The following MMP26 variants were observed in gnomAD, a reference collection of about 807,000 sequenced individuals.
MMP26 encodes the protein matrix metallopeptidase 26.
Under a neutral mutation model 31.0 loss-of-function variants are expected in MMP26, and 33 were observed. The ratio of observed to expected loss-of-function variants is 1.06; its 90% CI spans 0.81 to 1.42. MMP26 has a LOEUF of 1.42. Among genes scored for constraint, MMP26 ranks in the 40% most tolerant of loss-of-function variants. The pLI, the probability that MMP26 is intolerant of heterozygous loss-of-function variation, is 0.00. For missense variants in MMP26, 347 were observed against 316.1 expected (o/e 1.10, Z -0.74); for synonymous variants, 122 against 114.9 (o/e 1.06, Z -0.40).
At chr11:4,770,160 C>T (rs977694965) in intron 2 of MMP26, among the ~76,000 whole-genome samples, 1 of 152,044 alleles carries the variant, frequency 6.6e-6, no homozygotes, top group Non-Finnish European at 1.5e-5. Flanking sequence ...GGAAATATGT[C>T]CATATGATTT....
At chr11:4,798,053 C>T (rs964992721) in intron 2 of MMP26, among the ~76,000 whole-genome samples, 8 of 152,166 alleles carry the variant, frequency 5.3e-5, no homozygotes, top group Non-Finnish European at 7.3e-5. Flanking sequence ...TGCATATTGA[C>T]CTGTGGGAAA....
intron 1 of MMP26, among the ~76,000 whole-genome samples, chr11:4,764,453 A>C (rs1848603441): frequency 6.6e-6 from 1 of 152,204 alleles, no homozygotes; most frequent in African/African-American, 2.4e-5. Context: ...GCCTGTGCAC[A>C]TGACTTGATT....
chr11:4,817,565 C>A (rs529343740), intron 2 of MMP26, among the ~76,000 whole-genome samples: 2 of 152,078 alleles, frequency 1.3e-5, no homozygotes, highest in South Asian at 4.2e-4. Context: ...CCATTCTGGG[C>A]AACAGAGTGA....
Position 4,756,458 on chromosome 11 carries a change from G to A in MMP26, c.-216-10812G>A, listed in dbSNP as rs148596319. ...GGTAAAATCAGGAAGATAAGAACAAGCATAAAATATTTGACTTAAATAAGT... is the reference window on the plus strand; with the variant it reads ...GGTAAAATCAGGAAGATAAGAACAAACATAAAATATTTGACTTAAATAAGT... On this transcript the variant is annotated intron_variant, in intron 1 of 7. Transcript: ENST00000380390. Among the ~76,000 whole-genome samples the A allele has an allele frequency of 1.2e-3, 184 of 151,242 alleles. 1 individual carries two copies. Among genetic ancestry groups the A allele is most frequent in the African/African-American group, 4.2e-3 (174 of 41,344 alleles).
chr11:4,755,795 C>T (rs916165230), intron 1 of MMP26, among the ~76,000 whole-genome samples: 12 of 151,776 alleles, frequency 7.9e-5, no homozygotes, highest in Non-Finnish European at 1.5e-4. Flanking sequence ...AAGCCCCATA[C>T]ATAGCTTTTA....
chr11:4,834,812 G>T lies in MMP26; in HGVS notation c.-145+67471G>T, dbSNP rs748746191. 5.3e-5 allele frequency among the ~76,000 whole-genome samples: 8 copies of T among 152,230 alleles called. No individual in the cohort carries two copies. In the South Asian group the frequency reaches 1.7e-3, roughly 32 times the overall value. Reference sequence around the variant, plus strand: ...TCCATACATTCCAGGGATTAAATAAGTTAATGTGTTTAAAAGCTTTAAGAT... The same window carrying T: ...TCCATACATTCCAGGGATTAAATAATTTAATGTGTTTAAAAGCTTTAAGAT... On this transcript the variant is annotated intron_variant, in intron 2 of 7. Transcript: ENST00000380390.
chr11:4,739,919 C>T (rs935749801), intron 1 of MMP26, among the ~76,000 whole-genome samples: 1 of 152,110 alleles, frequency 6.6e-6, no homozygotes, highest in Non-Finnish European at 1.5e-5. Context: ...AATGTAATTG[C>T]AGTTAAAAAT....
At chr11:4,916,189 C>T (rs928205663) in intron 2 of MMP26, among the ~76,000 whole-genome samples, 8 of 151,538 alleles carry the variant, frequency 5.3e-5, no homozygotes, top group African/African-American at 1.7e-4. Context: ...AGGGAGAATT[C>T]AGCCTCCCTC....
intron 2 of MMP26, among the ~76,000 whole-genome samples, chr11:4,928,031 A>G (rs1025590090): frequency 3.4e-5 from 5 of 149,116 alleles, no homozygotes; most frequent in Non-Finnish European, 6.0e-5. Flanking sequence ...GAAGACCAGT[A>G]TTGTGGCGTG....
chr11:4,735,747 A>C (rs575882304), intron 1 of MMP26, among the ~76,000 whole-genome samples: 13 of 152,178 alleles, frequency 8.5e-5, no homozygotes, highest in East Asian at 5.8e-4. Flanking sequence ...ATTATATTTC[A>C]GAATAATAGA....
chr11:4,882,569 C>A lies in MMP26; in HGVS notation c.-144-105499C>A, dbSNP rs773941848. On this transcript the variant is annotated intron_variant, in intron 2 of 7. Transcript: ENST00000380390. Reference sequence around the variant, plus strand: ...TATTCTTTTCTCCTATGTCCTGATCCTCCGTACTGTTCTGGGCATTGTGGC... The same window carrying A: ...TATTCTTTTCTCCTATGTCCTGATCATCCGTACTGTTCTGGGCATTGTGGC... The A allele has an allele frequency of 2.5e-6, 4 of 1,613,892 alleles. No individual in the cohort carries two copies. In the South Asian group the frequency reaches 4.4e-5, roughly 18 times the overall value.
At chr11:4,741,004 A>C (rs1210381627) in intron 1 of MMP26, among the ~76,000 whole-genome samples, 4 of 152,124 alleles carry the variant, frequency 2.6e-5, no homozygotes, top group Non-Finnish European at 5.9e-5. Context: ...GCCTGTCCTG[A>C]ATGGTATTGC....
chr11:4,819,566 A>ATT lies in MMP26; in HGVS notation c.-145+52254_-145+52255dup, dbSNP rs71050433. 5.4e-3 allele frequency among the ~76,000 whole-genome samples: 271 copies of ATT among 50,300 alleles called. 33 individuals carry two copies. The highest frequency in any genetic ancestry group is 0.019 in the African/African-American group (218 of 11,402). 33.0% of individuals were successfully genotyped at this position (50,300 alleles called of 152,430 possible). A position where few individuals can be genotyped will look rare whatever the true frequency, so the allele number is the denominator to read the frequency against. On this transcript the variant is annotated intron_variant, in intron 2 of 7. Transcript: ENST00000380390. ...GATGGTCACTGAAATGAGTCGACTG[A>ATT]TTTTTTTTTTTTTTTTTTTTTTTTT...
At chr11:4,734,502 G>T (rs1848211639) in intron 1 of MMP26, among the ~76,000 whole-genome samples, 1 of 151,706 alleles carries the variant, frequency 6.6e-6, no homozygotes, top group Non-Finnish European at 1.5e-5. Flanking sequence ...TATTTCCTTT[G>T]GATAAAGGCA....
chr11:4,731,578 G>A (rs1017540351), intron 1 of MMP26, among the ~76,000 whole-genome samples: 1 of 152,148 alleles, frequency 6.6e-6, no homozygotes, highest in Non-Finnish European at 1.5e-5. Flanking sequence ...CCACACTGAT[G>A]TTTCTAGACG....
At chr11:4,957,880 A>T in intron 2 of MMP26, among the ~76,000 whole-genome samples, 1 of 152,026 alleles carries the variant, frequency 6.6e-6, no homozygotes. Context: ...GGGTTTTGCC[A>T]TGTTGGCCAG....
At chr11:4,860,346 A>G (rs758770295) in intron 2 of MMP26, 1 of 471,294 alleles carries the variant, frequency 2.1e-6, no homozygotes. Context: ...TGGAGAGACT[A>G]ACGTCAGTGA....
intron 2 of MMP26, among the ~76,000 whole-genome samples, chr11:4,892,367 A>G (rs764338844): frequency 4.6e-5 from 7 of 152,164 alleles, no homozygotes; most frequent in Non-Finnish European, 8.8e-5. Context: ...CTTGGCCCTT[A>G]AAGTCTTCCC....
intron 2 of MMP26, among the ~76,000 whole-genome samples, chr11:4,902,690 A>C (rs1850821583): frequency 6.6e-6 from 1 of 152,210 alleles, no homozygotes; most frequent in Admixed American, 6.5e-5. Flanking sequence ...GTGGGTATCA[A>C]ATGCATCTGC....
Sources: allele counts gnomAD v4.1 joint callset (sites outside exome capture counted in the v4.1 genomes callset), GRCh38; gene constraint gnomAD v4.1.1; transcripts MANE v1.5; gene names NCBI Gene and HGNC (gene_info 2026-07-23, HGNC 2026-07-21).